RAB38: variants seen among roughly 807,000 people sequenced by gnomAD.
RAB38 encodes RAB38, member RAS oncogene family.
In RAB38, 15 loss-of-function variants were observed where a neutral mutation model predicts 18.4. The observed-to-expected ratio is 0.82, with a 90% CI of 0.55 to 1.26. The LOEUF (loss-of-function observed/expected upper bound fraction) is 1.26, where lower values mean the gene tolerates loss of function less well. Ranked by LOEUF, RAB38 falls within the 50% of genes most tolerant of loss-of-function variation. The pLI is 0.00. For missense variants in RAB38, 294 were observed against 267.4 expected (o/e 1.10, Z -0.69); for synonymous variants, 101 against 104.4 (o/e 0.97, Z 0.20).
chr11:87,906,950 TTATAATA>T, the RAB38 span, among the ~76,000 whole-genome samples: 1,225 of 152,048 alleles, frequency 8.1e-3, 11 homozygotes, highest in Non-Finnish European at 0.015. Flanking sequence ...TATTGACATA[TTATAATA>T]ACATTTATTT....
At chr11:87,818,743 A>G in the RAB38 span, among the ~76,000 whole-genome samples, 3 of 152,172 alleles carry the variant, frequency 2.0e-5, no homozygotes, top group Non-Finnish European at 2.9e-5. Context: ...AATAACACTT[A>G]TTTTTGTAGG....
the RAB38 span, among the ~76,000 whole-genome samples, chr11:88,070,966 T>A: frequency 6.6e-6 from 1 of 152,178 alleles, no homozygotes; most frequent in African/African-American, 2.4e-5. Context: ...GTTAAATTTT[T>A]AAAAGCCAAG....
At chr11:88,019,179 G>C in the RAB38 span, among the ~76,000 whole-genome samples, 2 of 151,884 alleles carry the variant, frequency 1.3e-5, no homozygotes, top group Admixed American at 6.6e-5. Flanking sequence ...TGATTAACAG[G>C]TAACTCAGTT....
the RAB38 span, among the ~76,000 whole-genome samples, chr11:87,853,211 G>A: frequency 6.6e-6 from 1 of 152,202 alleles, no homozygotes; most frequent in African/African-American, 2.4e-5. Context: ...GCCAATGAGT[G>A]AGTTATAGAC....
At chr11:87,897,156 A>AC in the RAB38 span, among the ~76,000 whole-genome samples, 378 of 150,746 alleles carry the variant, frequency 2.5e-3, 2 homozygotes, top group Non-Finnish European at 4.1e-3. Flanking sequence ...TTCAGATTTA[A>AC]CCCCCCCCAA....
chr11:87,908,197 T>C, the RAB38 span, among the ~76,000 whole-genome samples: 2 of 152,068 alleles, frequency 1.3e-5, no homozygotes, highest in African/African-American at 4.8e-5. Flanking sequence ...GCAAGTGTGA[T>C]TGGATTTACA....
the RAB38 span, among the ~76,000 whole-genome samples, chr11:87,836,287 A>G: frequency 6.6e-6 from 1 of 152,326 alleles, no homozygotes; most frequent in East Asian, 1.9e-4. Flanking sequence ...GTGCAGTTAG[A>G]TGACTAAATA....
chr11:87,873,646 T>C, the RAB38 span, among the ~76,000 whole-genome samples: 1 of 151,450 alleles, frequency 6.6e-6, no homozygotes, highest in Non-Finnish European at 1.5e-5. Context: ...GGGAATAAAG[T>C]CTGTGTCTAG....
chr11:87,938,779 G>C, the RAB38 span, among the ~76,000 whole-genome samples: 34,694 of 151,376 alleles, frequency 0.23, 4,389 homozygotes, highest in South Asian at 0.38. Context: ...TACGTAAGGC[G>C]AAAAGTAAAC....
chr11:87,948,551 T>C, the RAB38 span, among the ~76,000 whole-genome samples: 1 of 152,074 alleles, frequency 6.6e-6, no homozygotes. Context: ...ATAGCTCTTA[T>C]TATTTTGAGA....
chr11:88,144,292 T>A (rs934088860), intron 2 of RAB38, among the ~76,000 whole-genome samples: 8 of 152,226 alleles, frequency 5.3e-5, no homozygotes, highest in Admixed American at 2.6e-4. Context: ...GTATATCTTA[T>A]AACTTCATCT....
At chr11:87,809,980 G>A in the RAB38 span, among the ~76,000 whole-genome samples, 1 of 151,994 alleles carries the variant, frequency 6.6e-6, no homozygotes, top group African/African-American at 2.4e-5. Flanking sequence ...GTCTGAATAA[G>A]CTACTCTTAA....
chr11:88,109,128 T>G (rs1942440275), downstream of RAB38, among the ~76,000 whole-genome samples: 1 of 152,092 alleles, frequency 6.6e-6, no homozygotes, highest in Non-Finnish European at 1.5e-5. Context: ...GTGTTGCTCC[T>G]CAAACTATAC....
the RAB38 span, among the ~76,000 whole-genome samples, chr11:88,101,658 T>C: frequency 6.6e-6 from 1 of 151,804 alleles, no homozygotes. Context: ...TTTATATTTG[T>C]TGTAAGAGGA....
chr11:87,889,923 T>G, the RAB38 span, among the ~76,000 whole-genome samples: 1 of 151,820 alleles, frequency 6.6e-6, no homozygotes, highest in African/African-American at 2.4e-5. Flanking sequence ...CTTCATTATA[T>G]TAGAGACACA....
chr11:87,849,489 T>C, the RAB38 span, among the ~76,000 whole-genome samples: 33 of 152,254 alleles, frequency 2.2e-4, no homozygotes, highest in African/African-American at 7.9e-4. Context: ...CAGACAGAAC[T>C]GTTCCCTCAG....
At chr11:87,806,490 T>G in the RAB38 span, among the ~76,000 whole-genome samples, 4 of 152,180 alleles carry the variant, frequency 2.6e-5, no homozygotes, top group Admixed American at 6.5e-5. Context: ...TCTCTAATAC[T>G]GTTACATTGG....
At chr11:87,961,108 C>T in the RAB38 span, among the ~76,000 whole-genome samples, 1 of 152,134 alleles carries the variant, frequency 6.6e-6, no homozygotes. Context: ...TCAAGTCTTT[C>T]TGGCCCCCTT....
At chr11:87,907,113 G>A in the RAB38 span, among the ~76,000 whole-genome samples, 1 of 151,822 alleles carries the variant, frequency 6.6e-6, no homozygotes, top group Non-Finnish European at 1.5e-5. Context: ...GTTATGTATG[G>A]TATGACATTT....
Sources: allele counts gnomAD v4.1 joint callset (sites outside exome capture counted in the v4.1 genomes callset), GRCh38; gene constraint gnomAD v4.1.1; transcripts MANE v1.5; gene names NCBI Gene and HGNC (gene_info 2026-07-23, HGNC 2026-07-21).